NKAIN3: variants seen among roughly 807,000 people sequenced by gnomAD.
NKAIN3 encodes the protein sodium/potassium transporting ATPase interacting 3, also known as sodium/potassium-transporting ATPase subunit beta-1-interacting protein 3.
NKAIN3 carries 25 observed loss-of-function variants against 30.2 expected under a neutral mutation model. The observed-to-expected ratio is 0.83, with a 90% CI of 0.60 to 1.16. NKAIN3 has a LOEUF of 1.16. NKAIN3 is among the 50% of genes most tolerant of loss of function. NKAIN3 has a pLI of 0.00. For synonymous variants in NKAIN3, 91 were observed against 89.6 expected, an observed-to-expected ratio of 1.02 and a Z score of -0.09; for missense variants, 225 against 254.1, an observed-to-expected ratio of 0.89 and a Z score of 0.78.
intron 4 of NKAIN3, among the ~76,000 whole-genome samples, chr8:62,878,742 A>G (rs1391440337): frequency 1.5e-5 from 2 of 137,922 alleles, no homozygotes; most frequent in South Asian, 2.3e-4. Context: ...ATTCCCACCT[A>G]TGAGTGAGAA....
intron 1 of NKAIN3, among the ~76,000 whole-genome samples, chr8:62,325,848 T>TTTGTCTGTATTTTGAAGGGA (rs1485118074): frequency 1.3e-5 from 2 of 152,016 alleles, no homozygotes; most frequent in Admixed American, 1.3e-4. Flanking sequence ...ATTCATGTCC[T>TTTGTCTGTATTTTGAAGGGA]TTGTCTGTAT....
At chr8:62,445,077 C>T (rs574790446) in intron 1 of NKAIN3, among the ~76,000 whole-genome samples, 2 of 152,214 alleles carry the variant, frequency 1.3e-5, no homozygotes, top group South Asian at 2.1e-4. Flanking sequence ...TCCCAAGTAG[C>T]TAGGACTACA....
intron 1 of NKAIN3, among the ~76,000 whole-genome samples, chr8:62,443,477 G>A (rs1341231113): frequency 6.6e-6 from 1 of 151,994 alleles, no homozygotes; most frequent in African/African-American, 2.4e-5. Flanking sequence ...TCCACCTTCC[G>A]GATTCAAGAG....
intron 3 of NKAIN3, among the ~76,000 whole-genome samples, chr8:62,681,062 T>C (rs1284297339): frequency 6.6e-6 from 1 of 152,226 alleles, no homozygotes; most frequent in Admixed American, 6.5e-5. Flanking sequence ...GGTGACTATT[T>C]AGCCCCTTGA....
intron 3 of NKAIN3, among the ~76,000 whole-genome samples, chr8:62,625,848 G>C (rs1351960965): frequency 6.6e-6 from 1 of 152,028 alleles, no homozygotes; most frequent in African/African-American, 2.4e-5. Context: ...TATCCACAGA[G>C]GAGACTTGGA....
Position 62,747,010 on chromosome 8 carries a change from G to A in NKAIN3, c.352G>A (p.Val118Met), listed in dbSNP as rs371935351. ...REHGPGCVRR[V>M]LPPSAHGMMD... The stretch of plus-strand genomic sequence containing the variant: ...ACATGGGCCTGGTTGTGTCAGAAGA[G>A]TGCTGCCTCCCTCAGCCCATGGCAT... Residue 118 changes from valine (V) to methionine (M), a missense_variant, in exon 4 of 7, where the codon GTG becomes ATG. Val to Met is a conservative substitution (Grantham distance 21, BLOSUM62 1). Transcript: ENST00000623646. The A allele has an allele frequency of 2.5e-6, 4 of 1,613,740 alleles. No homozygotes were observed. In the African/African-American group the frequency reaches 4.0e-5, roughly 16 times the overall value.
rs754396386 is a variant in NKAIN3 at position 62,579,532 on chromosome 8, G to T, written c.55-7G>T. The T allele has an allele frequency of 5.0e-6, 8 of 1,592,340 alleles. No individual in the cohort carries two copies. The East Asian group carries it at 9.0e-5, about 18-fold the overall frequency. On this transcript the variant is annotated splice_polypyrimidine_tract_variant and splice_region_variant and intron_variant, in intron 1 of 6. Transcript: ENST00000623646. ...CAATGCTAATGAACTTTCTTTTTTT[G>T]TTGTAGGTCTCAGCATTAGAGAGGC...
At chr8:62,305,022 A>G (rs940736650) in intron 1 of NKAIN3, among the ~76,000 whole-genome samples, 1 of 150,538 alleles carries the variant, frequency 6.6e-6, no homozygotes, top group Non-Finnish European at 1.5e-5. Context: ...AAATGAGAAT[A>G]ATTATCAGCT....
At chr8:62,987,120 C>T (rs1824216736), downstream of NKAIN3, among the ~76,000 whole-genome samples, 1 of 152,156 alleles carries the variant, frequency 6.6e-6, no homozygotes, top group Non-Finnish European at 1.5e-5. Context: ...CGTGTGGTAG[C>T]TCATGCCTAT....
chr8:62,752,139 G>A (rs1816302286), intron 4 of NKAIN3, among the ~76,000 whole-genome samples: 1 of 152,178 alleles, frequency 6.6e-6, no homozygotes, highest in African/African-American at 2.4e-5. Flanking sequence ...ACCAGCAGGA[G>A]TGAATGCATG....
rs1823701025 is a variant in NKAIN3, at chr8:62,965,993, T to C, written c.*586T>C. ...CTTCTTAAAACCCAGAACGATATTA[T>C]GGCAATCTAAATTTTCAGATTCGTG... is the stretch of plus-strand genomic sequence containing the variant. On this transcript the variant is annotated 3_prime_UTR_variant, in exon 7 of 7. Coordinates refer to ENST00000623646, the MANE Select transcript of NKAIN3 (RefSeq NM_001304533.3). The C allele has an allele frequency of 3.0e-6, 3 of 984,904 alleles. No individual in the cohort carries two copies. In the African/African-American group the frequency reaches 5.2e-5, roughly 17 times the overall value. 61.0% of individuals were successfully genotyped at this position (984,904 alleles called of 1,614,324 possible).
At chr8:62,792,704 A>G (rs1817742448) in intron 4 of NKAIN3, among the ~76,000 whole-genome samples, 1 of 152,098 alleles carries the variant, frequency 6.6e-6, no homozygotes, top group Non-Finnish European at 1.5e-5. Flanking sequence ...AAATGTGGGA[A>G]CATTTCACAG....
intron 1 of NKAIN3, among the ~76,000 whole-genome samples, chr8:62,290,330 A>T (rs531829414): frequency 1.3e-5 from 2 of 152,274 alleles, no homozygotes; most frequent in South Asian, 2.1e-4. Context: ...CAGTTTTCAA[A>T]GGGAATGCTT....
intron 5 of NKAIN3, among the ~76,000 whole-genome samples, chr8:62,939,883 G>A (rs1822901149): frequency 6.6e-6 from 1 of 151,968 alleles, no homozygotes; most frequent in African/African-American, 2.4e-5. Context: ...CAACTAGCAT[G>A]ATGAATAGAA....
chr8:62,526,043 T>C (rs1808296337), intron 1 of NKAIN3, among the ~76,000 whole-genome samples: 1 of 152,114 alleles, frequency 6.6e-6, no homozygotes, highest in African/African-American at 2.4e-5. Flanking sequence ...ATCTGGAAGA[T>C]TGTATCTGGT....
chr8:62,670,470 G>A (rs1475594283), intron 3 of NKAIN3, among the ~76,000 whole-genome samples: 2 of 152,104 alleles, frequency 1.3e-5, no homozygotes, highest in African/African-American at 4.8e-5. Context: ...TTACCATACT[G>A]TTAACTCCTT....
intron 1 of NKAIN3, among the ~76,000 whole-genome samples, chr8:62,571,136 CTTA>C (rs1314403678): frequency 3.7e-5 from 4 of 109,330 alleles, no homozygotes; most frequent in Non-Finnish European, 7.7e-5. Flanking sequence ...TTGAAATAGG[CTTA>C]TTTTTTTTTT....
At position 62,476,280 on chromosome 8, in the gene NKAIN3, C is replaced by T. The variant is rs73265391; in HGVS notation, c.55-103259C>T. On this transcript the variant is annotated intron_variant, in intron 1 of 6. Coordinates refer to ENST00000623646, the MANE Select transcript of NKAIN3 (RefSeq NM_001304533.3). Reference sequence around the variant, plus strand: ...AGTGACAAGATAGCACATTGTTCATCTTATTCAGATAGAATTTAGAAGAGT... The same window carrying T: ...AGTGACAAGATAGCACATTGTTCATTTTATTCAGATAGAATTTAGAAGAGT... Among the ~76,000 whole-genome samples the T allele has an allele frequency of 1.8e-3, 275 of 152,290 alleles. 1 individual carries two copies. Among genetic ancestry groups the T allele is most frequent in the African/African-American group, 6.3e-3 (262 of 41,564 alleles).
chr8:62,517,077 A>G (rs1808014878), intron 1 of NKAIN3, among the ~76,000 whole-genome samples: 1 of 152,280 alleles, frequency 6.6e-6, no homozygotes, highest in African/African-American at 2.4e-5. Context: ...AAAGTTCTTT[A>G]TAAAAGCAGT....
Sources: allele counts gnomAD v4.1 joint callset (sites outside exome capture counted in the v4.1 genomes callset), GRCh38; gene constraint gnomAD v4.1.1; transcripts MANE v1.5; gene names NCBI Gene and HGNC (gene_info 2026-07-23, HGNC 2026-07-21).